MYCT1: variants seen among roughly 807,000 people sequenced by gnomAD.
MYCT1 encodes myc target protein 1.
Under a neutral mutation model 15.0 loss-of-function variants are expected in MYCT1, and 12 were observed. The ratio of observed to expected loss-of-function variants is 0.80; its 90% CI spans 0.51 to 1.29. MYCT1 has a LOEUF of 1.29. MYCT1 is among the 50% of genes most tolerant of loss of function. The probability of loss-of-function intolerance (pLI) is 0.00; values close to 1 mark genes in which losing one functional copy is unlikely to be tolerated. For missense variants in MYCT1, 287 were observed against 279.1 expected, an observed-to-expected ratio of 1.03 and a Z score of -0.20; for synonymous variants, 104 against 102.7, an observed-to-expected ratio of 1.01 and a Z score of -0.07.
Position 152,722,317 on chromosome 6 carries a change from T to G in MYCT1, c.*64T>G. 1.3e-6 allele frequency: 2 copies of G among 1,500,668 alleles called. No individual in the cohort carries two copies. Among genetic ancestry groups the G allele is most frequent in the Non-Finnish European group, 1.8e-6 (2 of 1,126,196 alleles). 93.0% of individuals were successfully genotyped at this position (1,500,668 alleles called of 1,614,324 possible). A position where few individuals can be genotyped will look rare whatever the true frequency, so the allele number is the denominator to read the frequency against. ...TCTTTTATTGAAAGGAAATCAAAAATAGGCTAAACAGAATTTTGAGGGCAT... is the reference window on the plus strand; with the variant it reads ...TCTTTTATTGAAAGGAAATCAAAAAGAGGCTAAACAGAATTTTGAGGGCAT... On this transcript the variant is annotated 3_prime_UTR_variant, in exon 2 of 2. Coordinates refer to ENST00000367245, the MANE Select transcript of MYCT1 (RefSeq NM_025107.3).
chr6:152,721,757 C>T lies in MYCT1; in HGVS notation c.212C>T (p.Ser71Phe). 1 of 1,613,498 alleles carries T rather than the reference C, an allele frequency of 6.2e-7. No individual in the cohort carries two copies. The highest frequency in any genetic ancestry group is 8.5e-7 in the Non-Finnish European group (1 of 1,179,772). ...PENFWEDLIM[S>F]FTVSMAIGLV... is the part of the protein sequence containing the mutation. The stretch of plus-strand genomic sequence containing the variant: ...TTTGTTTCAGAGGACCTTATCATGT[C>T]CTTCACTGTATCCATGGCAATCGGG... The change falls in exon 2 of 2, where the codon TCC becomes TTC. Residue 71 changes from serine (S) to phenylalanine (F), a missense_variant. Ser to Phe is a radical substitution (Grantham distance 155). Coordinates refer to ENST00000367245, the MANE Select transcript of MYCT1 (RefSeq NM_025107.3).
At chr6:152,703,511 C>CA (rs1237487297) in intron 1 of MYCT1, among the ~76,000 whole-genome samples, 3 of 152,088 alleles carry the variant, frequency 2.0e-5, no homozygotes, top group Admixed American at 2.0e-4. Context: ...TTCTATTAGT[C>CA]AATATATTTC....
At chr6:152,700,961 T>C (rs1227879961) in intron 1 of MYCT1, among the ~76,000 whole-genome samples, 2 of 152,306 alleles carry the variant, frequency 1.3e-5, no homozygotes, top group East Asian at 3.9e-4. Flanking sequence ...CAATTATGCG[T>C]CTATACATAT....
intron 1 of MYCT1, among the ~76,000 whole-genome samples, chr6:152,703,846 A>G (rs1179067900): frequency 2.6e-5 from 4 of 152,098 alleles, no homozygotes; most frequent in Admixed American, 2.6e-4. Context: ...TCCACTTCCA[A>G]TTAAATTTTT....
the MYCT1 span, among the ~76,000 whole-genome samples, chr6:152,735,946 C>T: frequency 6.6e-6 from 1 of 151,694 alleles, no homozygotes; most frequent in Non-Finnish European, 1.5e-5. Flanking sequence ...TATTTCTTTC[C>T]TCTTTGCATT....
intron 1 of MYCT1, among the ~76,000 whole-genome samples, chr6:152,714,179 C>T (rs1053524466): frequency 1.3e-5 from 2 of 151,700 alleles, no homozygotes; most frequent in Non-Finnish European, 2.9e-5. Flanking sequence ...TTGCTCCTGC[C>T]CACTCTTTTT....
downstream of MYCT1, among the ~76,000 whole-genome samples, chr6:152,726,561 A>G (rs957812704): frequency 6.6e-6 from 1 of 152,152 alleles, no homozygotes; most frequent in Non-Finnish European, 1.5e-5. Context: ...CGGTGTGTAG[A>G]ACTGGCCAGG....
chr6:152,742,435 G>A, the MYCT1 span, among the ~76,000 whole-genome samples: 1 of 152,288 alleles, frequency 6.6e-6, no homozygotes, highest in East Asian at 1.9e-4. Flanking sequence ...TGGGTGGATG[G>A]GGAGGGGACA....
Position 152,722,138 on chromosome 6 carries a change from C to T in MYCT1, c.593C>T (p.Thr198Ile). ...TCCAATATCTCTCCCACCATCAGCA[C>T]TTCCCACAGTCTGAGCCGTCCTGAC... is the stretch of plus-strand genomic sequence containing the variant. ...PSSNISPTIS[T>I]SHSLSRPDYW... Residue 198 changes from threonine (T) to isoleucine (I), a missense_variant, in exon 2 of 2, where the codon ACT (threonine) becomes ATT (isoleucine). Physicochemically the swap from Thr to Ile is moderately conservative, Grantham distance 89. Coordinates refer to ENST00000367245, the MANE Select transcript of MYCT1 (RefSeq NM_025107.3). The T allele has an allele frequency of 1.2e-6, 2 of 1,614,192 alleles. No homozygotes were observed. The highest frequency in any genetic ancestry group is 1.6e-4 in the Middle Eastern group (1 of 6,062).
chr6:152,743,989 G>A, the MYCT1 span, among the ~76,000 whole-genome samples: 1 of 152,190 alleles, frequency 6.6e-6, no homozygotes, highest in African/African-American at 2.4e-5. Flanking sequence ...CTGAGGGCCA[G>A]GCGCCAGCAG....
At chr6:152,734,975 C>T in the MYCT1 span, among the ~76,000 whole-genome samples, 8 of 152,232 alleles carry the variant, frequency 5.3e-5, no homozygotes, top group Admixed American at 4.6e-4. Context: ...ACAACATATG[C>T]CAGATCCCTA....
At chr6:152,731,611 A>T in the MYCT1 span, among the ~76,000 whole-genome samples, 264 of 152,246 alleles carry the variant, frequency 1.7e-3, 2 homozygotes, top group African/African-American at 6.0e-3. Context: ...ATGAGTGAGA[A>T]CATGCGGTGT....
chr6:152,724,872 A>G (rs192996585), downstream of MYCT1, among the ~76,000 whole-genome samples: 15 of 152,042 alleles, frequency 9.9e-5, no homozygotes, highest in African/African-American at 3.4e-4. Context: ...ATTAATGCAG[A>G]TGGAAGAATT....
chr6:152,731,863 T>A, the MYCT1 span, among the ~76,000 whole-genome samples: 97 of 151,438 alleles, frequency 6.4e-4, no homozygotes, highest in East Asian at 0.011. Context: ...TCCTCCCACC[T>A]CAGCCTCCCA....
chr6:152,740,791 G>A, the MYCT1 span, among the ~76,000 whole-genome samples: 2 of 151,952 alleles, frequency 1.3e-5, no homozygotes, highest in Middle Eastern at 3.2e-3. Flanking sequence ...AAAATTTACA[G>A]CGTATTTAGT....
the MYCT1 span, among the ~76,000 whole-genome samples, chr6:152,731,740 A>C: frequency 7.4e-6 from 1 of 135,082 alleles, no homozygotes; most frequent in East Asian, 2.4e-4. Flanking sequence ...TAAGCATCAG[A>C]GAACGCCATT....
intron 1 of MYCT1, among the ~76,000 whole-genome samples, chr6:152,716,505 T>C (rs142262363): frequency 3.5e-4 from 54 of 152,294 alleles, no homozygotes; most frequent in African/African-American, 1.3e-3. Flanking sequence ...TCAAGGCCAC[T>C]AGATGGTGAC....
chr6:152,717,219 A>G (rs904323494), intron 1 of MYCT1, among the ~76,000 whole-genome samples: 9 of 152,288 alleles, frequency 5.9e-5, no homozygotes, highest in Admixed American at 5.2e-4. Context: ...TTGACTCAGC[A>G]TCTCTTTCTT....
chr6:152,737,259 C>T, the MYCT1 span, among the ~76,000 whole-genome samples: 1,713 of 150,672 alleles, frequency 0.011, 28 homozygotes, highest in African/African-American at 0.04. Flanking sequence ...TTTTTTCTGG[C>T]AATAAAGAGT....
Sources: gnomAD v4.1 joint callset for allele counts (sites outside exome capture counted in the v4.1 genomes callset) on GRCh38, gnomAD v4.1.1 for gene constraint, MANE v1.5 for transcripts, NCBI Gene and HGNC (gene_info 2026-07-23, HGNC 2026-07-21) for gene names.